PAK4: variants seen among roughly 807,000 people sequenced by gnomAD.
PAK4 encodes the protein serine/threonine-protein kinase PAK 4.
Under a neutral mutation model 53.5 loss-of-function variants are expected in PAK4, and 49 were observed. The ratio of observed to expected loss-of-function variants is 0.92; its 90% CI spans 0.73 to 1.16. The LOEUF (loss-of-function observed/expected upper bound fraction) is 1.16. Among genes scored for constraint, PAK4 ranks in the 50% most tolerant of loss-of-function variants. The pLI, the probability that PAK4 is intolerant of heterozygous loss-of-function variation, is 0.00. For synonymous variants in PAK4, 376 were observed against 375.6 expected (o/e 1.00, Z -0.01); for missense variants, 824 against 850.7 (o/e 0.97, Z 0.39).
intron 1 of PAK4, among the ~76,000 whole-genome samples, chr19:39,159,220 C>T (rs2074243984): frequency 6.6e-6 from 1 of 152,168 alleles, no homozygotes; most frequent in Non-Finnish European, 1.5e-5. Context: ...GCCTGCTGAG[C>T]CCCTGTACTG....
intron 1 of PAK4, among the ~76,000 whole-genome samples, chr19:39,138,925 A>G (rs1441472820): frequency 1.3e-5 from 2 of 152,072 alleles, no homozygotes; most frequent in Admixed American, 1.3e-4. Context: ...GGATATGGGG[A>G]TACCCCAGCA....
chr19:39,166,322 T>A (rs1251026736), intron 1 of PAK4, among the ~76,000 whole-genome samples: 1 of 152,214 alleles, frequency 6.6e-6, no homozygotes, highest in Non-Finnish European at 1.5e-5. Flanking sequence ...CAGGCGCCTG[T>A]AATCCCAGCT....
intron 1 of PAK4, among the ~76,000 whole-genome samples, chr19:39,134,156 C>CTA (rs1225024859): frequency 1.3e-5 from 2 of 152,290 alleles, no homozygotes; most frequent in South Asian, 2.1e-4. Context: ...CTCTCAAATG[C>CTA]TATATATATA....
chr19:39,153,819 G>A (rs780920280), intron 1 of PAK4, among the ~76,000 whole-genome samples: 1 of 152,120 alleles, frequency 6.6e-6, no homozygotes, highest in Non-Finnish European at 1.5e-5. Context: ...CTGGCCTCAA[G>A]TAATCCTCCC....
At chr19:39,128,644 T>C (rs2073637137) in intron 1 of PAK4, among the ~76,000 whole-genome samples, 1 of 152,230 alleles carries the variant, frequency 6.6e-6, no homozygotes, top group African/African-American at 2.4e-5. Flanking sequence ...GAAACACTCA[T>C]GCATCCGGCC....
At chr19:39,138,392 T>C (rs1327127251) in intron 1 of PAK4, among the ~76,000 whole-genome samples, 1 of 152,226 alleles carries the variant, frequency 6.6e-6, no homozygotes, top group Non-Finnish European at 1.5e-5. Flanking sequence ...CCTTTAAATA[T>C]TAGACAAGCA....
intron 1 of PAK4, among the ~76,000 whole-genome samples, chr19:39,142,798 C>A (rs2073932060): frequency 6.6e-6 from 1 of 152,220 alleles, no homozygotes; most frequent in East Asian, 1.9e-4. Context: ...GTGGCTTTCC[C>A]AGCCTCTCTA....
rs2074650457 is a variant in PAK4, at chr19:39,178,304, C to A, written c.1621-120C>A. 1 of 1,037,526 alleles carries A rather than the reference C, an allele frequency of 9.6e-7. No individual in the cohort carries two copies. The highest frequency in any genetic ancestry group is 1.4e-6 in the Non-Finnish European group (1 of 722,408). The allele number at this position is 1,037,526 out of a possible 1,614,324, so 64.3% of individuals were successfully genotyped here. On this transcript the variant is annotated intron_variant, in intron 8 of 8. Transcript: ENST00000358301. The surrounding 1 kb of genome is among the most constrained non-coding windows in gnomAD (Gnocchi z 4.4). ...AAGATCTAGACACCCATGACCTCCG[C>A]CCCCTGCCCTCCTGCACAGTACATG...
chr19:39,157,166 G>T (rs796740030), intron 1 of PAK4, among the ~76,000 whole-genome samples: 7 of 152,102 alleles, frequency 4.6e-5, no homozygotes, highest in African/African-American at 1.7e-4. Flanking sequence ...GAGTTGACTG[G>T]GTGTGCCTAG....
At chr19:39,154,675 GT>G (rs1489011488) in intron 1 of PAK4, among the ~76,000 whole-genome samples, 2 of 152,152 alleles carry the variant, frequency 1.3e-5, no homozygotes, top group Admixed American at 6.5e-5. Context: ...TGGGGACCTC[GT>G]TTCCTGTGGC....
At chr19:39,144,113 T>TAGAC (rs1399170027) in intron 1 of PAK4, among the ~76,000 whole-genome samples, 3 of 102,428 alleles carry the variant, frequency 2.9e-5, no homozygotes, top group African/African-American at 8.9e-5. Flanking sequence ...GATAGATAGA[T>TAGAC]AGATAGACAG....
At chr19:39,148,224 T>G (rs1441678404) in intron 1 of PAK4, among the ~76,000 whole-genome samples, 1 of 151,894 alleles carries the variant, frequency 6.6e-6, no homozygotes, top group Non-Finnish European at 1.5e-5. Context: ...AGTGCTGGGA[T>G]TACAGGCGTG....
chr19:39,154,338 A>G (rs1465394473), intron 1 of PAK4, among the ~76,000 whole-genome samples: 1 of 152,166 alleles, frequency 6.6e-6, no homozygotes, highest in Non-Finnish European at 1.5e-5. Flanking sequence ...AAAGTACAGA[A>G]TATTGTGTGT....
chr19:39,140,418 C>A (rs1008960226), intron 1 of PAK4, among the ~76,000 whole-genome samples: 2 of 152,176 alleles, frequency 1.3e-5, no homozygotes, highest in Admixed American at 6.5e-5. Context: ...AGGGCTGGCT[C>A]TGCAAGTTTG....
rs1433042674 is a variant in PAK4, at chr19:39,173,249, C to T, written c.536C>T (p.Pro179Leu). The T allele has an allele frequency of 1.9e-6, 3 of 1,587,636 alleles. No homozygotes were observed. The highest frequency in any genetic ancestry group is 1.1e-5 in the South Asian group (1 of 87,284). Reference sequence around the variant, plus strand: ...CAGGAGTCCTCCCGGGACAAACGCCCCCTCTCCGGGCCTGATGTCGGCACC... The same window carrying T: ...CAGGAGTCCTCCCGGGACAAACGCCTCCTCTCCGGGCCTGATGTCGGCACC... The change falls in exon 3 of 9, where the codon CCC becomes CTC. Residue 179 changes from proline (P) to leucine (L), a missense_variant. Physicochemically the swap from Pro to Leu is moderately conservative, Grantham distance 98. Coordinates refer to ENST00000358301, the Ensembl canonical transcript of PAK4. This position sits in a 1 kb window ranked among gnomAD's most constrained non-coding sequence, Gnocchi z 6.9.
In PAK4 at chr19:39,178,699, C is replaced by T; in HGVS notation, c.*120C>T. The T allele has an allele frequency of 1.1e-6, 1 of 872,522 alleles. No individual in the cohort carries two copies. The highest frequency in any genetic ancestry group is 1.7e-6 in the Non-Finnish European group (1 of 576,240). 54.0% of individuals were successfully genotyped at this position (872,522 alleles called of 1,614,324 possible). A position where few individuals can be genotyped will look rare whatever the true frequency, so the allele number is the denominator to read the frequency against. Reference sequence around the variant, plus strand: ...CGGGAGATGCTCCGCGTGGCACCACCCTCCTTGCTGGGGGTAGATGAGACC... The same window carrying T: ...CGGGAGATGCTCCGCGTGGCACCACTCTCCTTGCTGGGGGTAGATGAGACC... On this transcript the variant is annotated 3_prime_UTR_variant, in exon 9 of 9. Transcript: ENST00000358301. The surrounding 1 kb of genome is among the most constrained non-coding windows in gnomAD (Gnocchi z 4.4).
In PAK4 at chr19:39,169,576, G is replaced by A. The variant is rs1177227980; in HGVS notation, c.23G>A (p.Arg8Gln). 7 of 1,613,354 alleles carry A rather than the reference G, an allele frequency of 4.3e-6. No homozygotes were observed. The highest frequency in any genetic ancestry group is 1.7e-5 in the Admixed American group (1 of 59,974). Reference sequence around the variant, plus strand: ...ACCATGTTTGGGAAGAGGAAGAAGCGGGTGGAGATCTCCGCGCCGTCCAAC... The same window carrying A: ...ACCATGTTTGGGAAGAGGAAGAAGCAGGTGGAGATCTCCGCGCCGTCCAAC... The change falls in exon 2 of 9, where the codon CGG becomes CAG. Residue 8 changes from arginine (R) to glutamine (Q), a missense_variant. By Grantham distance (43) the Arg-to-Gln change is conservative (BLOSUM62 1). Around this residue, in one of 2 missense-constraint regions of PAK4, gnomAD observed 478 missense variants for 435.8 expected, o/e 1.10. Coordinates refer to ENST00000358301, the Ensembl canonical transcript of PAK4.
chr19:39,155,875 C>T (rs1045310486), intron 1 of PAK4, among the ~76,000 whole-genome samples: 28 of 152,352 alleles, frequency 1.8e-4, no homozygotes, highest in Admixed American at 1.2e-3. Flanking sequence ...GGCAAAGCCC[C>T]GGAGCCCATG....
Position 39,173,375 on chromosome 19 carries a change from A to G in PAK4, c.662A>G (p.Gln221Arg), listed in dbSNP as rs1439416196. The change falls in exon 3 of 9, where the codon CAG (glutamine) becomes CGG (arginine). Residue 221 changes from glutamine (Q) to arginine (R), a missense_variant and splice_region_variant. This residue lies in a region of PAK4 where 478 missense variants were observed against 435.8 expected (regional missense o/e 1.10). Transcript: ENST00000358301. The surrounding 1 kb of genome is among the most constrained non-coding windows in gnomAD (Gnocchi z 6.9). ...ACGGACCACCCATCCCGGGGTGCCC[A>G]GGTAACCCATCCCCCGCCCCAGGGC... The G allele has an allele frequency of 8.5e-6, 13 of 1,522,516 alleles. No individual in the cohort carries two copies. Among genetic ancestry groups the G allele is most frequent in the Non-Finnish European group, 1.1e-5 (13 of 1,133,938 alleles). 94.3% of individuals were successfully genotyped at this position (1,522,516 alleles called of 1,614,324 possible).
Sources: gnomAD v4.1 joint callset for allele counts (sites outside exome capture counted in the v4.1 genomes callset) on GRCh38, gnomAD v4.1.1 for gene constraint, gnomAD v4.1.1 regional missense constraint, Gnocchi (gnomAD v3.1) non-coding constraint, MANE v1.5 for transcripts, NCBI Gene and HGNC (gene_info 2026-07-23, HGNC 2026-07-21) for gene names.